The following SLC6A11 variants were observed in gnomAD, a reference collection of about 807,000 sequenced individuals.
The protein encoded by SLC6A11 is solute carrier family 6 member 11.
A neutral mutation model predicts 74.8 loss-of-function variants in SLC6A11; 25 were observed. The observed-to-expected ratio is 0.33, with a 90% CI of 0.24 to 0.47. SLC6A11 has a LOEUF of 0.47. Ranked by LOEUF, SLC6A11 falls within the 20% of genes least tolerant of loss-of-function variation. The probability of loss-of-function intolerance (pLI) is 1.00; values close to 1 mark genes in which losing one functional copy is unlikely to be tolerated. For missense variants in SLC6A11, 574 were observed against 837.0 expected, an observed-to-expected ratio of 0.69 and a Z score of 3.88; for synonymous variants, 330 against 330.2, an observed-to-expected ratio of 1.00 and a Z score of 0.01.
chr3:10,928,340 C>A (rs1047439103), intron 9 of SLC6A11, among the ~76,000 whole-genome samples: 1 of 152,024 alleles, frequency 6.6e-6, no homozygotes, highest in South Asian at 2.1e-4. Context: ...CAGGAAAGGG[C>A]CCCCAGGGTG....
intron 5 of SLC6A11, among the ~76,000 whole-genome samples, chr3:10,855,041 GTAGA>G (rs1694621915): frequency 6.6e-6 from 1 of 152,176 alleles, no homozygotes; most frequent in African/African-American, 2.4e-5. Flanking sequence ...AGGTGGGTAG[GTAGA>G]TAGGTAGGGA....
chr3:10,880,526 A>T (rs1487080291), intron 6 of SLC6A11, among the ~76,000 whole-genome samples: 2 of 152,208 alleles, frequency 1.3e-5, no homozygotes, highest in African/African-American at 2.4e-5. Context: ...GTGGAGAAAT[A>T]GGAAATAGGA....
rs772435323 is a variant in SLC6A11 at position 10,918,364 on chromosome 3, C to CCAGCTT, written c.1033_1038dup (p.Ser345_Phe346dup). 1 of 1,609,160 alleles carries CCAGCTT rather than the reference C, an allele frequency of 6.2e-7. No homozygotes were observed. Among genetic ancestry groups the CCAGCTT allele is most frequent in the Non-Finnish European group, 8.5e-7 (1 of 1,178,146 alleles). On this transcript the variant is annotated inframe_insertion, in exon 8 of 14. Transcript: ENST00000254488. The surrounding 1 kb of genome is among the most constrained non-coding windows in gnomAD (Gnocchi z 4.5). ...ATGCTCTGTTGCCTGAACAGCGGCA[C>CCAGCTT]CAGCTTCGTGGCTGGGTTTGCCATC...
chr3:10,824,115 A>T (rs894842746), intron 4 of SLC6A11: 5 of 152,270 alleles, frequency 3.3e-5, no homozygotes, highest in Admixed American at 3.3e-4. Flanking sequence ...TACATTGCAC[A>T]CTGAACAACC....
At chr3:10,867,184 G>A (rs954066927) in intron 5 of SLC6A11, among the ~76,000 whole-genome samples, 52 of 152,124 alleles carry the variant, frequency 3.4e-4, no homozygotes, top group African/African-American at 1.3e-3. Context: ...AGTGGGCGAT[G>A]GATTATGAGT....
At position 10,935,181 on chromosome 3, in the gene SLC6A11, G is replaced by A. The variant is rs145331331; in HGVS notation, c.1728G>A (p.Thr576=). ...PLWICITVWK[T]EGTLPEKLQK... is the part of the protein sequence containing the mutation. ...GGATCTGCATCACAGTGTGGAAGAC[G>A]GAGGGGACACTGCCCGAGGTGAGAC... The change falls in exon 13 of 14, where the codon ACG becomes ACA. Residue 576 remains threonine (T), a synonymous_variant. Transcript: ENST00000254488. 125 of 1,614,168 alleles carry A rather than the reference G, an allele frequency of 7.7e-5. No individual in the cohort carries two copies. The highest frequency in any genetic ancestry group is 1.2e-4 in the Admixed American group (7 of 60,016).
intron 8 of SLC6A11, among the ~76,000 whole-genome samples, chr3:10,919,238 G>A (rs770561141): frequency 9.9e-5 from 15 of 152,264 alleles, no homozygotes; most frequent in South Asian, 4.2e-4. Flanking sequence ...AACTCTTTCC[G>A]TGATTTCCAT....
At chr3:10,874,878 G>A (rs967795515) in intron 5 of SLC6A11, 83 bp from the exon 6 acceptor site, 332 of 1,380,940 alleles carry the variant, frequency 2.4e-4, no homozygotes, top group Non-Finnish European at 3.2e-4. Flanking sequence ...GGTGCAACAT[G>A]CACCCAAAGG....
chr3:10,879,075 T>C (rs1694944865), intron 6 of SLC6A11, among the ~76,000 whole-genome samples: 1 of 152,214 alleles, frequency 6.6e-6, no homozygotes, highest in African/African-American at 2.4e-5. Flanking sequence ...TGGTACACAG[T>C]AGGTGTTCCT....
Position 10,938,481 on chromosome 3 carries a change from C to A in SLC6A11, c.*79C>A. 7.0e-7 allele frequency: 1 copy of A among 1,427,404 alleles called. No individual in the cohort carries two copies. The highest frequency in any genetic ancestry group is 9.5e-7 in the Non-Finnish European group (1 of 1,053,084). 88.4% of individuals were successfully genotyped at this position (1,427,404 alleles called of 1,614,324 possible). On this transcript the variant is annotated 3_prime_UTR_variant, in exon 14 of 14. Coordinates refer to ENST00000254488, the MANE Select transcript of SLC6A11 (RefSeq NM_014229.3). ...ATGAATTCCTGAACCCCATACTTCACCTAATGGTAGGGGCTTGCTTGTTTT... is the reference window on the plus strand; with the variant it reads ...ATGAATTCCTGAACCCCATACTTCAACTAATGGTAGGGGCTTGCTTGTTTT...
chr3:10,883,177 C>A (rs879802007), intron 6 of SLC6A11, among the ~76,000 whole-genome samples: 1 of 152,226 alleles, frequency 6.6e-6, no homozygotes, highest in Non-Finnish European at 1.5e-5. Flanking sequence ...TGTCCCCCAG[C>A]AATTTGCATT....
intron 4 of SLC6A11, chr3:10,823,917 A>G (rs748712007): frequency 3.4e-4 from 54 of 157,330 alleles, no homozygotes; most frequent in Admixed American, 8.5e-4. Flanking sequence ...AGCACTTCAG[A>G]AGGTTGTGAG....
intron 3 of SLC6A11, among the ~76,000 whole-genome samples, chr3:10,820,561 T>G (rs1694125212): frequency 1.3e-5 from 2 of 152,198 alleles, no homozygotes; most frequent in South Asian, 2.1e-4. Flanking sequence ...ACATTTGAAT[T>G]TAGCCCCCAA....
intron 4 of SLC6A11, 156 bp downstream of exon 4, chr3:10,823,548 T>A: frequency 1.6e-6 from 1 of 611,112 alleles, no homozygotes; most frequent in Non-Finnish European, 3.0e-6. Context: ...GAAGCAAGAG[T>A]GCAGATCTTC....
intron 5 of SLC6A11, among the ~76,000 whole-genome samples, chr3:10,856,169 ACTT>A (rs1292193827): frequency 1.3e-5 from 2 of 152,176 alleles, no homozygotes; most frequent in Admixed American, 6.5e-5. Flanking sequence ...CAGAGGGAAA[ACTT>A]CTCTTGGGGA....
intron 5 of SLC6A11, among the ~76,000 whole-genome samples, chr3:10,846,483 CAT>C (rs1489927308): frequency 6.6e-6 from 1 of 152,156 alleles, no homozygotes; most frequent in African/African-American, 2.4e-5. Flanking sequence ...TCCGGGACCT[CAT>C]ATGGCCTTGA....
At position 10,875,026 on chromosome 3, in the gene SLC6A11, G is replaced by C. The variant is rs144481019; in HGVS notation, c.822G>C (p.Thr274=). The change falls in exon 6 of 14, where the codon ACG becomes ACC. Residue 274 remains threonine (T), a synonymous_variant. Transcript: ENST00000254488. ...MLLILLIRGV[T]LPGASEGIKF... ...TGATCCTCCTGATACGAGGGGTCAC[G>C]TTGCCCGGGGCCTCAGAGGGCATCA... is the stretch of plus-strand genomic sequence containing the variant. 8 of 1,613,598 alleles carry C rather than the reference G, an allele frequency of 5.0e-6. No individual in the cohort carries two copies. Among genetic ancestry groups the C allele is most frequent in the Admixed American group, 3.3e-5 (2 of 59,964 alleles).
chr3:10,903,642 G>A (rs1456852526), intron 6 of SLC6A11, among the ~76,000 whole-genome samples: 1 of 152,120 alleles, frequency 6.6e-6, no homozygotes, highest in Non-Finnish European at 1.5e-5. Flanking sequence ...AGGCTTTTTT[G>A]TTTCCTCCAG....
At chr3:10,897,456 A>G (rs564211807) in intron 6 of SLC6A11, among the ~76,000 whole-genome samples, 2 of 152,272 alleles carry the variant, frequency 1.3e-5, no homozygotes, top group Admixed American at 1.3e-4. Context: ...GGTAAATACA[A>G]CCCTTCCAAA....
Sources: allele counts gnomAD v4.1 joint callset (sites outside exome capture counted in the v4.1 genomes callset), GRCh38; gene constraint gnomAD v4.1.1; non-coding constraint Gnocchi (gnomAD v3.1); transcripts MANE v1.5; gene names NCBI Gene and HGNC (gene_info 2026-07-23, HGNC 2026-07-21).